APPL1: variants seen among roughly 807,000 people sequenced by gnomAD.
The protein encoded by APPL1 is adaptor protein, phosphotyrosine interacting with PH domain and leucine zipper 1.
Under a neutral mutation model 106.8 loss-of-function variants are expected in APPL1, and 42 were observed. The ratio of observed to expected loss-of-function variants is 0.39; its 90% CI spans 0.31 to 0.51. APPL1 has a LOEUF of 0.51. APPL1 is among the 20% of genes least tolerant of loss of function. APPL1 has a pLI of 0.75. For missense variants in APPL1, 769 were observed against 858.2 expected (o/e 0.90, Z 1.30); for synonymous variants, 263 against 281.8 (o/e 0.93, Z 0.67).
chr3:57,259,005 A>G, intron 15 of APPL1, 23 bp from the exon 16 acceptor site: 1 of 1,596,806 alleles, frequency 6.3e-7, no homozygotes, highest in Non-Finnish European at 8.6e-7. Context: ...CCATGTGTTC[A>G]TATTTTCTTC....
chr3:57,246,859 T>C (rs1473600064), intron 8 of APPL1, among the ~76,000 whole-genome samples: 1 of 151,758 alleles, frequency 6.6e-6, no homozygotes, highest in African/African-American at 2.4e-5. Context: ...AAAAATTAGC[T>C]GGGCTTGGTA....
chr3:57,253,656 T>C, intron 12 of APPL1, 26 bp from the exon 13 acceptor site: 4 of 1,400,064 alleles, frequency 2.9e-6, no homozygotes, highest in South Asian at 3.0e-5. Flanking sequence ...AAAAAAATTA[T>C]ATTTTTCTAT....
intron 8 of APPL1, among the ~76,000 whole-genome samples, chr3:57,246,990 C>CA (rs56949619): frequency 0.38 from 37,243 of 97,574 alleles, 5,978 homozygotes; most frequent in East Asian, 0.51. Flanking sequence ...GACCCTGTCT[C>CA]AAAAAAAAAA....
chr3:57,233,637 T>G (rs1008806853), intron 1 of APPL1, among the ~76,000 whole-genome samples: 1 of 152,296 alleles, frequency 6.6e-6, no homozygotes, highest in African/African-American at 2.4e-5. Context: ...CTGTCAAATC[T>G]AAATCTCTGA....
intron 18 of APPL1, 95 bp from the exon 19 acceptor site, chr3:57,260,533 T>C: frequency 1.7e-6 from 2 of 1,161,448 alleles, no homozygotes; most frequent in Non-Finnish European, 2.3e-6. Flanking sequence ...TATTAAAATA[T>C]TTATATTTTT....
At chr3:57,235,494 CT>C in intron 1 of APPL1, 71 bp from the exon 2 acceptor site, 1 of 1,003,058 alleles carries the variant, frequency 1.0e-6, no homozygotes, top group Non-Finnish European at 1.5e-6. Context: ...TTTTTGCTTC[CT>C]TTAGAAAAAA....
intron 21 of APPL1, 181 bp downstream of exon 21, chr3:57,268,668 A>G (rs552678529): frequency 7.1e-5 from 36 of 506,746 alleles, no homozygotes; most frequent in African/African-American, 5.6e-4. Context: ...TGATGTTTAC[A>G]TTATAGTTAC....
chr3:57,267,836 A>G (rs752943616), intron 20 of APPL1, 44 bp downstream of exon 20: 78 of 1,600,948 alleles, frequency 4.9e-5, no homozygotes, highest in Non-Finnish European at 6.6e-5. Flanking sequence ...TCACACCTGT[A>G]ATCGCAGCAC....
chr3:57,234,093 C>T (rs1475373499), intron 1 of APPL1, among the ~76,000 whole-genome samples: 4 of 151,922 alleles, frequency 2.6e-5, no homozygotes, highest in Admixed American at 6.6e-5. Context: ...ACAACAACAG[C>T]GACACCCACA....
Position 57,248,327 on chromosome 3 carries a change from A to G in APPL1, c.839A>G (p.Lys280Arg). The G allele has an allele frequency of 6.2e-7, 1 of 1,614,156 alleles. No individual in the cohort carries two copies. The highest frequency in any genetic ancestry group is 8.5e-7 in the Non-Finnish European group (1 of 1,180,014). Residue 280 changes from lysine to arginine, a missense_variant, in exon 10 of 22, where the codon AAG becomes AGG. Coordinates refer to ENST00000288266, the MANE Select transcript of APPL1 (RefSeq NM_012096.3). ...CCTGTTAATCGAAATTTAACCCGAA[A>G]GGCTGGATACCTTAATGCTAGGAAG... ...KFPVNRNLTRKAGYLNARNKT... is the reference protein window; with the variant it reads ...KFPVNRNLTRRAGYLNARNKT...
intron 5 of APPL1, 81 bp downstream of exon 5, chr3:57,240,633 C>G (rs1346331786): frequency 2.4e-6 from 3 of 1,248,454 alleles, no homozygotes; most frequent in Admixed American, 1.8e-5. Flanking sequence ...GTACTTACAC[C>G]ATTTCTGGAT....
chr3:57,248,521 T>A (rs1223095799), intron 10 of APPL1, among the ~76,000 whole-genome samples, 170 bp downstream of exon 10: 1 of 152,198 alleles, frequency 6.6e-6, no homozygotes, highest in African/African-American at 2.4e-5. Context: ...CATGAATACT[T>A]TTCAGAAGTA....
intron 6 of APPL1, among the ~76,000 whole-genome samples, chr3:57,242,390 T>C (rs997272581): frequency 1.3e-5 from 2 of 152,112 alleles, no homozygotes; most frequent in Admixed American, 1.3e-4. Flanking sequence ...TATTTTACCC[T>C]TCTTGTTCTT....
At chr3:57,253,862 CTTT>C (rs376268369) in intron 13 of APPL1, 124 bp downstream of exon 13, 3,709 of 377,656 alleles carry the variant, frequency 9.8e-3, no homozygotes, top group South Asian at 0.016. Flanking sequence ...GAATGAGTAG[CTTT>C]TTTTTTTTTT....
chr3:57,230,526 CACTT>C (rs1475690873), intron 1 of APPL1, among the ~76,000 whole-genome samples: 2 of 151,926 alleles, frequency 1.3e-5, no homozygotes, highest in Admixed American at 6.6e-5. Context: ...TTAACATTAT[CACTT>C]AAGTATCTTC....
intron 11 of APPL1, among the ~76,000 whole-genome samples, chr3:57,251,922 T>TTGAAATATATATGAGTTCATAATATATA (rs1328279849): frequency 5.9e-5 from 9 of 152,284 alleles, no homozygotes; most frequent in Admixed American, 4.6e-4. Flanking sequence ...TGATGTATAT[T>TTGAAATATATATGAGTTCATAATATATA]TGAAATATAT....
chr3:57,238,397 G>A (rs979741052), intron 4 of APPL1, among the ~76,000 whole-genome samples: 3 of 152,192 alleles, frequency 2.0e-5, no homozygotes, highest in Non-Finnish European at 4.4e-5. Context: ...GAAGAGTTAG[G>A]TAGTGAACTG....
Position 57,228,762 on chromosome 3 carries a change from A to G in APPL1, c.54+825A>G, listed in dbSNP as rs2060668089. Reference sequence around the variant, plus strand: ...AATGTTGGCAGGGGCTGTAACTTGCATAGGGAAAACTTCATCTCTAAGCCG... The same window carrying G: ...AATGTTGGCAGGGGCTGTAACTTGCGTAGGGAAAACTTCATCTCTAAGCCG... On this transcript the variant is annotated intron_variant, in intron 1 of 21. Transcript: ENST00000288266. This position sits in a 1 kb window ranked among gnomAD's most constrained non-coding sequence, Gnocchi z 4.6. Among the ~76,000 whole-genome samples the G allele has an allele frequency of 6.6e-6, 1 of 152,252 alleles. No homozygotes were observed. Among genetic ancestry groups the G allele is most frequent in the African/African-American group, 2.4e-5 (1 of 41,464 alleles).
chr3:57,230,655 G>T lies in APPL1; in HGVS notation c.54+2718G>T, dbSNP rs1559505554. 9.6e-6 allele frequency: 3 copies of T among 313,396 alleles called. No individual in the cohort carries two copies. The Admixed American group carries it at 1.6e-4, about 16-fold the overall frequency. 19.4% of individuals were successfully genotyped at this position (313,396 alleles called of 1,614,324 possible). ...CCCAAAGTTTTGCTTTTATAAATAGGGCTGAGATTAATGCTTTGGAGCATA... is the reference window on the plus strand; with the variant it reads ...CCCAAAGTTTTGCTTTTATAAATAGTGCTGAGATTAATGCTTTGGAGCATA... On this transcript the variant is annotated intron_variant, in intron 1 of 21. Transcript: ENST00000288266.
Sources: allele counts gnomAD v4.1 joint callset (sites outside exome capture counted in the v4.1 genomes callset), GRCh38; gene constraint gnomAD v4.1.1; non-coding constraint Gnocchi (gnomAD v3.1); transcripts MANE v1.5; gene names NCBI Gene and HGNC (gene_info 2026-07-23, HGNC 2026-07-21).